MROH6: variants seen among roughly 807,000 people sequenced by gnomAD.
MROH6 encodes maestro heat like repeat family member 6.
Under a neutral mutation model 67.7 loss-of-function variants are expected in MROH6, and 62 were observed. That is an observed-to-expected ratio of 0.92 (90% confidence interval 0.75 to 1.13). The LOEUF (loss-of-function observed/expected upper bound fraction) is 1.13. Ranked by LOEUF, MROH6 falls within the 50% of genes most tolerant of loss-of-function variation. The pLI is 0.00. For synonymous variants in MROH6, 566 were observed against 470.8 expected, an observed-to-expected ratio of 1.20 and a Z score of -2.62; for missense variants, 1,175 against 1,029.1, an observed-to-expected ratio of 1.14 and a Z score of -1.94.
intron 4 of MROH6, 104 bp downstream of exon 4, chr8:143,570,773 C>A (rs1823978851): frequency 7.1e-7 from 1 of 1,414,014 alleles, no homozygotes; most frequent in Non-Finnish European, 9.5e-7. Context: ...ATGGGACATT[C>A]CAGGAGCAGT....
At position 143,567,360 on chromosome 8, in the gene MROH6, C is replaced by T; in HGVS notation, c.2039G>A (p.Gly680Glu). ...MLARARGCPRGPRLLRIAPRP... is the reference protein window; with the variant it reads ...MLARARGCPREPRLLRIAPRP... ...CGGGGCGATGCGGAGAAGGCGGGGC[C>T]CGCGGGGGCAGCCCCGGGCACGGGC... Residue 680 changes from glycine to glutamate, a missense_variant, in exon 14 of 14, where the codon GGG (glycine) becomes GAG (glutamate). Gly to Glu is a moderately conservative substitution (Grantham distance 98). Coordinates refer to ENST00000398882, the MANE Select transcript of MROH6 (RefSeq NM_001100878.2). 8.2e-7 allele frequency: 1 copy of T among 1,222,682 alleles called. No individual in the cohort carries two copies. The highest frequency in any genetic ancestry group is 1.0e-6 in the Non-Finnish European group (1 of 981,304). The allele number at this position is 1,222,682 out of a possible 1,614,324, so 75.7% of individuals were successfully genotyped here.
At chr8:143,571,222 T>C (rs1461431721) in intron 3 of MROH6, among the ~76,000 whole-genome samples, 1 of 152,130 alleles carries the variant, frequency 6.6e-6, no homozygotes. Flanking sequence ...GGGGACCCAC[T>C]GGGAGTCCCG....
chr8:143,568,775 G>A, intron 9 of MROH6, 56 bp from the exon 10 acceptor site: 1 of 1,292,320 alleles, frequency 7.7e-7, no homozygotes, highest in Middle Eastern at 2.8e-4. Flanking sequence ...TGCAAGGGTG[G>A]GAGGGGGCGG....
Position 143,566,375 on chromosome 8 carries a change from G to T in MROH6, c.*864C>A, listed in dbSNP as rs1349840965. On this transcript the variant is annotated 3_prime_UTR_variant, in exon 14 of 14. Coordinates refer to ENST00000398882, the MANE Select transcript of MROH6 (RefSeq NM_001100878.2). ...CTCTGAGGAGGAGGCTGTGAAGGAGGCCACGAATGCAAGGACATTTCCAGG... is the reference window on the plus strand; with the variant it reads ...CTCTGAGGAGGAGGCTGTGAAGGAGTCCACGAATGCAAGGACATTTCCAGG... The T allele has an allele frequency of 6.6e-6, 1 of 152,286 alleles. No individual in the cohort carries two copies. Among genetic ancestry groups the T allele is most frequent in the Non-Finnish European group, 1.5e-5 (1 of 68,074 alleles). 9.4% of individuals were successfully genotyped at this position (152,286 alleles called of 1,614,324 possible).
chr8:143,569,429 G>A lies in MROH6; in HGVS notation c.1476+12C>T. ...GGCAGGGGCGGGACCCGGAGGCGGGGCGTTTGCTCACGTCGTCCAGTAGCG... is the reference window on the plus strand; with the variant it reads ...GGCAGGGGCGGGACCCGGAGGCGGGACGTTTGCTCACGTCGTCCAGTAGCG... On this transcript the variant is annotated intron_variant, in intron 9 of 13. Transcript: ENST00000398882. 2 of 1,433,170 alleles carry A rather than the reference G, an allele frequency of 1.4e-6. No homozygotes were observed. Among genetic ancestry groups the A allele is most frequent in the Non-Finnish European group, 9.1e-7 (1 of 1,103,658 alleles). The allele number at this position is 1,433,170 out of a possible 1,614,324, so 88.8% of individuals were successfully genotyped here. A position where few individuals can be genotyped will look rare whatever the true frequency, so the allele number is the denominator to read the frequency against.
chr8:143,572,176 T>C lies in MROH6; in HGVS notation c.304A>G (p.Ser102Gly), dbSNP rs1824091018. The C allele has an allele frequency of 6.2e-7, 1 of 1,612,774 alleles. No individual in the cohort carries two copies. Among genetic ancestry groups the C allele is most frequent in the Non-Finnish European group, 8.5e-7 (1 of 1,179,770 alleles). Residue 102 changes from serine (S) to glycine (G), a missense_variant, in exon 2 of 14, where the codon AGT becomes GGT. Transcript: ENST00000398882. ...GCAAGAACTCCCTCCTCCCAGGAAC[T>C]CTGGGGAACCTAGGGCAGGATGGGT... ...APEGPHQVPQ[S>G]SWEEGVLADL...
chr8:143,571,531 G>T, intron 3 of MROH6, 136 bp downstream of exon 3: 1 of 1,158,358 alleles, frequency 8.6e-7, no homozygotes, highest in Non-Finnish European at 1.2e-6. Context: ...TGGATACGGG[G>T]CATGAGTCAT....
At chr8:143,571,602 C>T (rs1824040634) in intron 3 of MROH6, 65 bp downstream of exon 3, 2 of 1,541,356 alleles carry the variant, frequency 1.3e-6, no homozygotes, top group African/African-American at 1.4e-5. Context: ...GGCCAGACTC[C>T]ACCGCCAAGC....
In MROH6 at chr8:143,572,067, G is replaced by C. The variant is rs759707462; in HGVS notation, c.413C>G (p.Ala138Gly). 6.2e-7 allele frequency: 1 copy of C among 1,612,572 alleles called. No individual in the cohort carries two copies. The highest frequency in any genetic ancestry group is 1.7e-5 in the Admixed American group (1 of 59,970). ...TQATVLTLSS[A>G]LEARGERLED... ...CAACCGCTCGCCCCGGGCCTCCAGGGCTGAGGACAGGGTGAGCACTGTCGC... is the reference window on the plus strand; with the variant it reads ...CAACCGCTCGCCCCGGGCCTCCAGGCCTGAGGACAGGGTGAGCACTGTCGC... The change falls in exon 2 of 14, where the codon GCC becomes GGC. Residue 138 changes from alanine (A) to glycine (G), a missense_variant. By Grantham distance (60) the Ala-to-Gly change is moderately conservative. Coordinates refer to ENST00000398882, the MANE Select transcript of MROH6 (RefSeq NM_001100878.2).
rs761555813 is a variant in MROH6, at chr8:143,567,697, G to A, written c.1868-21C>T. ...GAAGCCTGGACCACAGCAGATGCAT[G>A]AGTGCAGGCCCCACAGCCCCCCAGG... On this transcript the variant is annotated intron_variant, in intron 12 of 13. Transcript: ENST00000398882. 6 of 1,578,670 alleles carry A rather than the reference G, an allele frequency of 3.8e-6. No individual in the cohort carries two copies. The South Asian group carries it at 5.8e-5, about 15-fold the overall frequency.
Position 143,567,115 on chromosome 8 carries a change from G to A in MROH6, c.*124C>T. ...CTGAAGAGGGGTCACGGGGGTGGGGGGTGGGGGAGGGCATTGGCGTCCAGC... is the reference window on the plus strand; with the variant it reads ...CTGAAGAGGGGTCACGGGGGTGGGGAGTGGGGGAGGGCATTGGCGTCCAGC... On this transcript the variant is annotated 3_prime_UTR_variant, in exon 14 of 14. Transcript: ENST00000398882. 2.3e-6 allele frequency: 1 copy of A among 427,850 alleles called. No homozygotes were observed. Among genetic ancestry groups the A allele is most frequent in the Non-Finnish European group, 3.7e-6 (1 of 267,056 alleles). The allele number at this position is 427,850 out of a possible 1,614,324, so 26.5% of individuals were successfully genotyped here.
rs754730578 is a variant in MROH6 at position 143,571,731 on chromosome 8, G to A, written c.538C>T (p.Leu180=). The A allele has an allele frequency of 1.3e-6, 2 of 1,550,250 alleles. No individual in the cohort carries two copies. Among genetic ancestry groups the A allele is most frequent in the South Asian group, 1.2e-5 (1 of 84,190 alleles). The change falls in exon 3 of 14, where the codon CTG becomes TTG. Residue 180 remains leucine, a synonymous_variant. Transcript: ENST00000398882. ...WRAALRVLSA[L]ALEHARDVVC... The stretch of plus-strand genomic sequence containing the variant: ...ACGTCCCGCGCATGCTCCAGGGCCA[G>A]TGCGCTCAGCACTCGCAGGGCCGCC...
chr8:143,569,946 C>T lies in MROH6; in HGVS notation c.1158+5G>A. On this transcript the variant is annotated splice_donor_5th_base_variant and intron_variant, in intron 7 of 13. Transcript: ENST00000398882. ...CTTCACCACCCATCCGGGAAGCAGG[C>T]TCACCCCTGTGAAGAAGGCCATAGC... The T allele has an allele frequency of 6.2e-7, 1 of 1,612,918 alleles. No homozygotes were observed. Among genetic ancestry groups the T allele is most frequent in the Non-Finnish European group, 8.5e-7 (1 of 1,179,560 alleles).
At position 143,569,977 on chromosome 8, in the gene MROH6, G is replaced by A; in HGVS notation, c.1132C>T (p.Leu378Phe). 5.0e-6 allele frequency: 8 copies of A among 1,607,920 alleles called. No individual in the cohort carries two copies. The highest frequency in any genetic ancestry group is 6.8e-6 in the Non-Finnish European group (8 of 1,179,784). The change falls in exon 7 of 14, where the codon CTC (leucine) becomes TTC (phenylalanine). Residue 378 changes from leucine to phenylalanine, a missense_variant. Physicochemically the swap from Leu to Phe is conservative, Grantham distance 22. Transcript: ENST00000398882. ...CCTGTGAAGAAGGCCATAGCCGTGA[G>A]ACGCTGCGGGTCGTCCGCGCTGCGA... ...RLRSADDPQR[L>F]TAMAFFTGLL... is the part of the protein sequence containing the mutation.
Position 143,572,720 on chromosome 8 carries a change from CCCTTGCCTGCAGCA to C in MROH6, c.-20_-7del. 1 of 1,470,420 alleles carries C rather than the reference CCCTTGCCTGCAGCA, an allele frequency of 6.8e-7. No individual in the cohort carries two copies. The highest frequency in any genetic ancestry group is 9.0e-7 in the Non-Finnish European group (1 of 1,114,406). The allele number at this position is 1,470,420 out of a possible 1,614,324, so 91.1% of individuals were successfully genotyped here. A position where few individuals can be genotyped will look rare whatever the true frequency, so the allele number is the denominator to read the frequency against. On this transcript the variant is annotated 5_prime_UTR_variant, in exon 1 of 14. Coordinates refer to ENST00000398882, the MANE Select transcript of MROH6 (RefSeq NM_001100878.2). ...CCCCACACACCCCCAGCCATGGCGG[CCCTTGCCTGCAGCA>C]CCTGCCGCTGCTCCTCCTGCGAAGT...
intron 3 of MROH6, among the ~76,000 whole-genome samples, 172 bp downstream of exon 3, chr8:143,571,495 G>A (rs533701548): frequency 1.7e-4 from 26 of 152,318 alleles, no homozygotes; most frequent in African/African-American, 3.4e-4. Context: ...GGGAGTTTGC[G>A]GAGCTAAAAA....
chr8:143,567,963 G>T, intron 11 of MROH6, 75 bp from the exon 12 acceptor site: 1 of 1,457,954 alleles, frequency 6.9e-7, no homozygotes. Context: ...GCTGAATCCA[G>T]GGGCCGGGGT....
chr8:143,571,025 AAG>A, intron 3 of MROH6, 31 bp from the exon 4 acceptor site: 1 of 1,536,016 alleles, frequency 6.5e-7, no homozygotes, highest in African/African-American at 1.4e-5. Flanking sequence ...GGTGTGAGAC[AAG>A]AGATGGGTGG....
rs4873803 is a variant in MROH6 at position 143,572,424 on chromosome 8, G to T, written c.291C>A (p.His97Gln). ...CATCCCTTCCCTCCCCCGTCACCTGGTGGGGCCCCTCAGGGGCTGGTTCCA... is the reference window on the plus strand; with the variant it reads ...CATCCCTTCCCTCCCCCGTCACCTGTTGGGGCCCCTCAGGGGCTGGTTCCA... ...SALEPAPEGP[H>Q]QVPQSSWEEG... is the part of the protein sequence containing the mutation. The change falls in exon 1 of 14, where the codon CAC (histidine) becomes CAA (glutamine). Residue 97 changes from histidine (H) to glutamine (Q), a missense_variant. His to Gln is a conservative substitution (Grantham distance 24). Coordinates refer to ENST00000398882, the MANE Select transcript of MROH6 (RefSeq NM_001100878.2). 0.48 allele frequency: 758,623 copies of T among 1,569,370 alleles called. 191,965 individuals carry two copies. Among genetic ancestry groups the T allele is most frequent in the Non-Finnish European group, 0.53 (614,410 of 1,160,236 alleles).
Sources: gnomAD v4.1 joint callset for allele counts (sites outside exome capture counted in the v4.1 genomes callset) on GRCh38, gnomAD v4.1.1 for gene constraint, MANE v1.5 for transcripts, NCBI Gene and HGNC (gene_info 2026-07-23, HGNC 2026-07-21) for gene names.